EML5: variants seen among roughly 807,000 people sequenced by gnomAD.
EML5 encodes the protein EMAP like 5, also known as echinoderm microtubule-associated protein-like 5.
EML5 carries 120 observed loss-of-function variants against 250.0 expected under a neutral mutation model. That is an observed-to-expected ratio of 0.48 (90% CI 0.41 to 0.56). The LOEUF (loss-of-function observed/expected upper bound fraction) is 0.56, where lower values mean the gene tolerates loss of function less well. Among genes scored for constraint, EML5 ranks in the 20% least tolerant of loss-of-function variants. The pLI is 0.00. For missense variants in EML5, 2,006 were observed against 2,437.6 expected, an observed-to-expected ratio of 0.82 and a Z score of 3.73; for synonymous variants, 771 against 806.5, an observed-to-expected ratio of 0.96 and a Z score of 0.75.
Position 88,689,110 on chromosome 14 carries a change from C to T in EML5, c.2540-637G>A, listed in dbSNP as rs537713199. Among the ~76,000 whole-genome samples the T allele has an allele frequency of 3.3e-5, 5 of 152,250 alleles. No homozygotes were observed. The East Asian group carries it at 7.7e-4, about 24-fold the overall frequency. On this transcript the variant is annotated intron_variant, in intron 17 of 43. Transcript: ENST00000554922. ...ATTCCATTATATAACTATACCATGGCTTATCCATTTTCCTATTAATGGAGA... is the reference window on the plus strand; with the variant it reads ...ATTCCATTATATAACTATACCATGGTTTATCCATTTTCCTATTAATGGAGA...
chr14:88,659,730 A>G (rs913743498), intron 25 of EML5, among the ~76,000 whole-genome samples: 3 of 152,228 alleles, frequency 2.0e-5, no homozygotes, highest in Non-Finnish European at 4.4e-5. Context: ...ATTGTTAACA[A>G]CTAAGACTCT....
rs1351227050 is a variant in EML5 at position 88,642,883 on chromosome 14, G to A, written c.4237+10C>T. ...AATTGATAGAGGGATGGAGAATCAG[G>A]GTTTCCTACCTGTAGCAACATTGTG... On this transcript the variant is annotated intron_variant, in intron 31 of 43. Coordinates refer to ENST00000554922, the MANE Select transcript of EML5 (RefSeq NM_183387.3). The A allele has an allele frequency of 1.3e-5, 21 of 1,593,272 alleles. No individual in the cohort carries two copies. Among genetic ancestry groups the A allele is most frequent in the Non-Finnish European group, 1.7e-5 (20 of 1,173,348 alleles).
At chr14:88,629,449 T>C (rs188577206) in intron 33 of EML5, among the ~76,000 whole-genome samples, 18 of 152,342 alleles carry the variant, frequency 1.2e-4, no homozygotes, top group Admixed American at 9.1e-4. Flanking sequence ...TAGACTGTTC[T>C]AAACTTACAT....
chr14:88,650,746 C>T (rs886310273), intron 27 of EML5, among the ~76,000 whole-genome samples: 5 of 152,116 alleles, frequency 3.3e-5, no homozygotes, highest in Non-Finnish European at 7.4e-5. Flanking sequence ...TGAAGCAATC[C>T]TCCTGCTCAG....
chr14:88,781,497 T>C (rs1298630643), intron 1 of EML5, among the ~76,000 whole-genome samples: 1 of 152,222 alleles, frequency 6.6e-6, no homozygotes, highest in Admixed American at 6.5e-5. Flanking sequence ...TTACTAAAAA[T>C]AGTCACTTCT....
chr14:88,624,951 G>A lies in EML5; in HGVS notation c.4898+19C>T. ...GGTCACAAATGCATAAATATTCTGT[G>A]AAAAGAAAGAGGACTCACGGCCTTT... On this transcript the variant is annotated intron_variant, in intron 36 of 43. Transcript: ENST00000554922. 1 of 1,611,506 alleles carries A rather than the reference G, an allele frequency of 6.2e-7. No individual in the cohort carries two copies. Among genetic ancestry groups the A allele is most frequent in the Non-Finnish European group, 8.5e-7 (1 of 1,178,810 alleles).
intron 36 of EML5, chr14:88,623,816 G>A (rs2089484367): frequency 6.6e-6 from 1 of 152,222 alleles, no homozygotes; most frequent in South Asian, 2.1e-4. Context: ...GTGGGGGTGT[G>A]CAGGAGTAAA....
At chr14:88,661,437 T>C (rs1481472940) in intron 25 of EML5, among the ~76,000 whole-genome samples, 1 of 152,212 alleles carries the variant, frequency 6.6e-6, no homozygotes, top group Admixed American at 6.5e-5. Flanking sequence ...TAGTCAATAT[T>C]GAAAAACACT....
rs1433841672 is a variant in EML5 at position 88,792,420 on chromosome 14, G to A, written c.84C>T (p.Leu28=). The A allele has an allele frequency of 1.9e-6, 3 of 1,554,218 alleles. No homozygotes were observed. Among genetic ancestry groups the A allele is most frequent in the Non-Finnish European group, 1.7e-6 (2 of 1,150,918 alleles). The change falls in exon 1 of 44, where the codon CTC becomes CTT. Residue 28 remains leucine, a synonymous_variant. Transcript: ENST00000554922. This position sits in a 1 kb window ranked among gnomAD's most constrained non-coding sequence, Gnocchi z 6.9. ...GYRGHQCRNN[L]YYTAAKEIVY... is the part of the protein sequence containing the mutation. ...CGATCTCCTTGGCCGCAGTGTAGTA[G>A]AGGTTGTTGCGGCACTGGTGGCCCC...
Position 88,615,625 on chromosome 14 carries a change from G to C in EML5, c.*193C>G. 1 of 558,476 alleles carries C rather than the reference G, an allele frequency of 1.8e-6. No individual in the cohort carries two copies. The highest frequency in any genetic ancestry group is 3.1e-6 in the Non-Finnish European group (1 of 319,624). The allele number at this position is 558,476 out of a possible 1,614,324, so 34.6% of individuals were successfully genotyped here. The stretch of plus-strand genomic sequence containing the variant: ...AAATGGCATTATCTGGCAGTGTATG[G>C]ATTACGGATTATACCCAGTGCATAT... On this transcript the variant is annotated 3_prime_UTR_variant, in exon 44 of 44. Coordinates refer to ENST00000554922, the MANE Select transcript of EML5 (RefSeq NM_183387.3).
chr14:88,657,817 G>A (rs565707246), intron 26 of EML5, among the ~76,000 whole-genome samples: 2 of 152,052 alleles, frequency 1.3e-5, no homozygotes, highest in African/African-American at 4.8e-5. Flanking sequence ...CCTCTGTGTG[G>A]TCAAATTATG....
intron 2 of EML5, among the ~76,000 whole-genome samples, chr14:88,754,122 T>C (rs993498916): frequency 1.3e-5 from 2 of 152,080 alleles, no homozygotes; most frequent in Non-Finnish European, 1.5e-5. Flanking sequence ...CGTGACCCTG[T>C]CTCTAAAAAT....
intron 1 of EML5, among the ~76,000 whole-genome samples, chr14:88,757,566 A>G (rs1211005530): frequency 6.6e-6 from 1 of 152,192 alleles, no homozygotes; most frequent in Non-Finnish European, 1.5e-5. Context: ...TGCAGAGCAT[A>G]TATCTGATAA....
At chr14:88,762,432 C>T (rs1194664838) in intron 1 of EML5, among the ~76,000 whole-genome samples, 1 of 151,950 alleles carries the variant, frequency 6.6e-6, no homozygotes, top group Non-Finnish European at 1.5e-5. Context: ...ATCACTTGAA[C>T]CCGGGAGGCA....
intron 1 of EML5, among the ~76,000 whole-genome samples, chr14:88,774,183 A>G (rs1162944560): frequency 6.6e-6 from 1 of 152,184 alleles, no homozygotes; most frequent in Non-Finnish European, 1.5e-5. Context: ...ACTGGGCTCT[A>G]CACTTAGAGT....
At chr14:88,699,633 G>C (rs2093163007) in intron 14 of EML5, among the ~76,000 whole-genome samples, 1 of 152,066 alleles carries the variant, frequency 6.6e-6, no homozygotes, top group African/African-American at 2.4e-5. Context: ...TAATGTTTTA[G>C]AAATTGTGAA....
intron 1 of EML5, among the ~76,000 whole-genome samples, chr14:88,761,537 T>C (rs1483213373): frequency 6.6e-6 from 1 of 152,248 alleles, no homozygotes; most frequent in Non-Finnish European, 1.5e-5. Context: ...TCATCCTTTT[T>C]ATGGCTGCAT....
At chr14:88,713,827 G>A (rs1452712959) in intron 9 of EML5, among the ~76,000 whole-genome samples, 3 of 142,324 alleles carry the variant, frequency 2.1e-5, no homozygotes, top group African/African-American at 7.7e-5. Context: ...ATTAATATTT[G>A]CAAAGTTTAT....
chr14:88,733,053 G>C (rs2093785347), intron 7 of EML5, among the ~76,000 whole-genome samples: 1 of 152,158 alleles, frequency 6.6e-6, no homozygotes. Flanking sequence ...AAAGTCATTT[G>C]AACAATTAAT....
Sources: gnomAD v4.1 joint callset for allele counts (sites outside exome capture counted in the v4.1 genomes callset) on GRCh38, gnomAD v4.1.1 for gene constraint, Gnocchi (gnomAD v3.1) non-coding constraint, MANE v1.5 for transcripts, NCBI Gene and HGNC (gene_info 2026-07-23, HGNC 2026-07-21) for gene names.